DNAH9: variants seen among roughly 807,000 people sequenced by gnomAD.
DNAH9 encodes the protein dynein axonemal heavy chain 9, also known as DNAH9 variant protein.
A neutral mutation model predicts 471.6 loss-of-function variants in DNAH9; 345 were observed. The ratio of observed to expected loss-of-function variants is 0.73; its 90% CI spans 0.67 to 0.80. DNAH9 has a LOEUF of 0.80. Ranked by LOEUF, DNAH9 falls within the 30% of genes least tolerant of loss-of-function variation. The pLI is 0.00. For missense variants in DNAH9, 5,407 were observed against 5,609.2 expected, an observed-to-expected ratio of 0.96 and a Z score of 1.15; for synonymous variants, 2,093 against 2,123.6, an observed-to-expected ratio of 0.99 and a Z score of 0.40.
At chr17:11,796,535 G>A (rs1385667711) in intron 42 of DNAH9, among the ~76,000 whole-genome samples, 4 of 152,088 alleles carry the variant, frequency 2.6e-5, no homozygotes, top group Non-Finnish European at 5.9e-5. Flanking sequence ...ATTAGGTTTG[G>A]TGAATCTCAT....
At chr17:11,821,237 G>A (rs1389612478) in intron 45 of DNAH9, among the ~76,000 whole-genome samples, 2 of 142,812 alleles carry the variant, frequency 1.4e-5, no homozygotes, top group African/African-American at 5.3e-5. Flanking sequence ...AGTGAGCCAA[G>A]ATCACACCAC....
rs3815350 is a variant in DNAH9, at chr17:11,611,416, C to T, written c.774-234C>T. Among the ~76,000 whole-genome samples the T allele has an allele frequency of 0.039, 5,929 of 152,266 alleles. 399 individuals carry two copies. Among genetic ancestry groups the T allele is most frequent in the African/African-American group, 0.13 (5,347 of 41,536 alleles). Reference sequence around the variant, plus strand: ...CCAGCTGCCAAGCTTTTTGAGCCACCAGATGGTCACAGCAGTGTTTCCTGG... The same window carrying T: ...CCAGCTGCCAAGCTTTTTGAGCCACTAGATGGTCACAGCAGTGTTTCCTGG... On this transcript the variant is annotated intron_variant, in intron 3 of 68. Transcript: ENST00000262442.
intron 32 of DNAH9, among the ~76,000 whole-genome samples, chr17:11,748,844 C>G (rs894502481): frequency 1.3e-5 from 2 of 152,068 alleles, no homozygotes; most frequent in Non-Finnish European, 2.9e-5. Context: ...AATCTCAGCT[C>G]CTTCCTGATG....
intron 65 of DNAH9, among the ~76,000 whole-genome samples, chr17:11,934,392 G>A (rs1185780772): frequency 6.6e-6 from 1 of 150,524 alleles, no homozygotes; most frequent in East Asian, 2.0e-4. Flanking sequence ...ATAACATCTG[G>A]GACAGTTATT....
chr17:11,852,976 A>G (rs1009440307), intron 49 of DNAH9, among the ~76,000 whole-genome samples: 4 of 150,288 alleles, frequency 2.7e-5, no homozygotes, highest in African/African-American at 9.7e-5. Flanking sequence ...GTTAATATAT[A>G]AGTATATATA....
At chr17:11,887,932 A>C (rs1234970812) in intron 57 of DNAH9, among the ~76,000 whole-genome samples, 4 of 152,026 alleles carry the variant, frequency 2.6e-5, no homozygotes, top group African/African-American at 7.2e-5. Flanking sequence ...TTATTATTTT[A>C]ACTCAGAGTC....
intron 14 of DNAH9, among the ~76,000 whole-genome samples, chr17:11,656,151 T>C (rs113520190): frequency 3.4e-4 from 52 of 152,296 alleles, no homozygotes; most frequent in African/African-American, 1.2e-3. Flanking sequence ...GTGTTTTTCA[T>C]AGTGGTTGTG....
chr17:11,657,042 C>T (rs968530667), intron 14 of DNAH9, among the ~76,000 whole-genome samples: 2 of 152,142 alleles, frequency 1.3e-5, no homozygotes, highest in African/African-American at 2.4e-5. Context: ...CTTGTATGTA[C>T]AGTCTGATAT....
chr17:11,679,173 T>A (rs2074093911), intron 17 of DNAH9, among the ~76,000 whole-genome samples: 1 of 152,342 alleles, frequency 6.6e-6, no homozygotes, highest in South Asian at 2.1e-4. Context: ...ATTTGTCAAC[T>A]TAAAAATGTT....
At chr17:11,778,329 C>CAAAGAAAA (rs1567795708) in intron 38 of DNAH9, among the ~76,000 whole-genome samples, 1 of 48,638 alleles carries the variant, frequency 2.1e-5, no homozygotes, top group African/African-American at 5.1e-5. Flanking sequence ...GACTCCATCT[C>CAAAGAAAA]AAAAAAAAAA....
rs190111820 is a variant in DNAH9, at chr17:11,729,645, G to A, written c.5814+1723G>A. ...TGACATTTTTCTAAGGCAAGAGTGCGGGATTGAGGGGAGGGTGGCAGAAGG... is the reference window on the plus strand; with the variant it reads ...TGACATTTTTCTAAGGCAAGAGTGCAGGATTGAGGGGAGGGTGGCAGAAGG... On this transcript the variant is annotated intron_variant, in intron 28 of 68. Transcript: ENST00000262442. Among the ~76,000 whole-genome samples, 115 of 152,250 alleles carry A rather than the reference G, an allele frequency of 7.6e-4. 3 individuals carry two copies. In the East Asian group the frequency reaches 0.014, roughly 18 times the overall value.
chr17:11,954,840 G>C (rs1374924396), intron 67 of DNAH9, among the ~76,000 whole-genome samples: 1 of 151,512 alleles, frequency 6.6e-6, no homozygotes, highest in African/African-American at 2.4e-5. Flanking sequence ...TGGAAATTTG[G>C]ATCTAAACAA....
chr17:11,687,811 C>T (rs774387717), intron 19 of DNAH9, among the ~76,000 whole-genome samples: 1 of 151,988 alleles, frequency 6.6e-6, no homozygotes, highest in South Asian at 2.1e-4. Flanking sequence ...GGTCCTTGAA[C>T]ACTAGGGCTA....
Position 11,694,416 on chromosome 17 carries a change from A to T in DNAH9, c.4841A>T (p.Asp1614Val). 1 of 1,613,034 alleles carries T rather than the reference A, an allele frequency of 6.2e-7. No homozygotes were observed. Residue 1614 changes from aspartate to valine, a missense_variant, in exon 22 of 69, where the codon GAC becomes GTC. Physicochemically the swap from Asp to Val is radical, Grantham distance 152. Coordinates refer to ENST00000262442, the MANE Select transcript of DNAH9 (RefSeq NM_001372.4). Reference protein sequence around the residue: ...FYFLSSSDLLDILSNGTAPQQ... With the variant: ...FYFLSSSDLLVILSNGTAPQQ... ...TTTCTCTCCTCCTCCGATCTGTTAG[A>T]CATCCTTTCCAACGGCACAGCTCCA...
chr17:11,733,599 C>T (rs1324990989), intron 28 of DNAH9, among the ~76,000 whole-genome samples: 2 of 152,098 alleles, frequency 1.3e-5, no homozygotes, highest in African/African-American at 4.8e-5. Flanking sequence ...CGCCTGTAAT[C>T]CCAGCACTTT....
At position 11,626,304 on chromosome 17, in the gene DNAH9, G is replaced by T. The variant is rs189911879; in HGVS notation, c.1351-3113G>T. 5.1e-4 allele frequency among the ~76,000 whole-genome samples: 78 copies of T among 152,246 alleles called. No individual in the cohort carries two copies. The highest frequency in any genetic ancestry group is 1.7e-3 in the African/African-American group (72 of 41,548). ...AGAACTTTTAAATAAACAATGAAAA[G>T]AACTTACATTTACATAATTTAAGAA... On this transcript the variant is annotated intron_variant, in intron 6 of 68. Transcript: ENST00000262442. This position sits in a 1 kb window ranked among gnomAD's most constrained non-coding sequence, Gnocchi z 4.3.
At chr17:11,670,005 T>C (rs1158267338) in intron 17 of DNAH9, among the ~76,000 whole-genome samples, 1 of 152,216 alleles carries the variant, frequency 6.6e-6, no homozygotes, top group African/African-American at 2.4e-5. Flanking sequence ...TTTTGTTTTC[T>C]GTTTCATGTC....
intron 59 of DNAH9, among the ~76,000 whole-genome samples, chr17:11,900,642 G>C (rs9896935): frequency 0.038 from 5,817 of 151,686 alleles, 359 homozygotes; most frequent in African/African-American, 0.13. Context: ...TGTGTTTTTT[G>C]TTGTTGTTGT....
At chr17:11,816,465 C>T (rs763314121) in intron 45 of DNAH9, among the ~76,000 whole-genome samples, 1 of 152,150 alleles carries the variant, frequency 6.6e-6, no homozygotes, top group African/African-American at 2.4e-5. Flanking sequence ...TACTATTGGA[C>T]ATGTGCTTTG....
Sources: gnomAD v4.1 joint callset for allele counts (sites outside exome capture counted in the v4.1 genomes callset) on GRCh38, gnomAD v4.1.1 for gene constraint, Gnocchi (gnomAD v3.1) non-coding constraint, MANE v1.5 for transcripts, NCBI Gene and HGNC (gene_info 2026-07-23, HGNC 2026-07-21) for gene names.